XRCC4: variants seen among roughly 807,000 people sequenced by gnomAD.
XRCC4 encodes DNA repair protein XRCC4.
XRCC4 carries 28 observed loss-of-function variants against 39.1 expected under a neutral mutation model. The observed-to-expected ratio is 0.72, with a 90% confidence interval of 0.53 to 0.98. The LOEUF is 0.98. Among genes scored for constraint, XRCC4 ranks in the 50% least tolerant of loss-of-function variants. XRCC4 has a pLI of 0.00. For missense variants in XRCC4, 350 were observed against 376.4 expected (o/e 0.93, Z 0.58); for synonymous variants, 123 against 126.4 (o/e 0.97, Z 0.18).
chr5:83,129,249 T>G (rs1580261528), intron 3 of XRCC4, among the ~76,000 whole-genome samples: 1 of 143,304 alleles, frequency 7.0e-6, no homozygotes, highest in African/African-American at 2.7e-5. Context: ...TCCCCATTGC[T>G]TGTTTTTCTC....
At chr5:83,184,363 C>G (rs192458278) in intron 3 of XRCC4, among the ~76,000 whole-genome samples, 1 of 151,546 alleles carries the variant, frequency 6.6e-6, no homozygotes, top group African/African-American at 2.4e-5. Flanking sequence ...GTAATAATGC[C>G]TTTTAACCAA....
At chr5:83,156,720 G>C (rs970833224) in intron 3 of XRCC4, among the ~76,000 whole-genome samples, 1 of 152,056 alleles carries the variant, frequency 6.6e-6, no homozygotes, top group African/African-American at 2.4e-5. Context: ...AATTTGCAAA[G>C]CCAAGAATAG....
chr5:83,133,023 A>G (rs756644520), intron 3 of XRCC4, among the ~76,000 whole-genome samples: 2 of 151,934 alleles, frequency 1.3e-5, no homozygotes, highest in Non-Finnish European at 2.9e-5. Flanking sequence ...TTGTGGTTTT[A>G]TCTACCTTCG....
At chr5:83,098,056 ATGT>A (rs1745761333) in intron 1 of XRCC4, among the ~76,000 whole-genome samples, 1 of 152,118 alleles carries the variant, frequency 6.6e-6, no homozygotes, top group Admixed American at 6.6e-5. Flanking sequence ...AGTGAAATTT[ATGT>A]TTATCACTGA....
At position 83,303,389 on chromosome 5, in the gene XRCC4, C is replaced by T. The variant is rs183590575; in HGVS notation, c.893+44712C>T. 4.4e-4 allele frequency among the ~76,000 whole-genome samples: 67 copies of T among 152,152 alleles called. No individual in the cohort carries two copies. The East Asian group carries it at 0.013, about 28-fold the overall frequency. On this transcript the variant is annotated intron_variant, in intron 7 of 7. Transcript: ENST00000396027. ...TATAGGGGATAGGATTAAACCAAAA[C>T]ATTTGTACATTTGTAAGAACAGTTA...
chr5:83,247,682 T>A (rs1236665793), intron 6 of XRCC4, among the ~76,000 whole-genome samples: 4 of 152,158 alleles, frequency 2.6e-5, no homozygotes, highest in Non-Finnish European at 4.4e-5. Flanking sequence ...CTTGAGTGAT[T>A]TTCTCTCTGA....
At position 83,290,893 on chromosome 5, in the gene XRCC4, A is replaced by AAATGTAG. The variant is rs1293638670; in HGVS notation, c.893+32217_893+32223dup. Among the ~76,000 whole-genome samples the AAATGTAG allele has an allele frequency of 2.0e-5, 3 of 151,920 alleles. No homozygotes were observed. In the East Asian group the frequency reaches 5.8e-4, roughly 29 times the overall value. The stretch of plus-strand genomic sequence containing the variant: ...TTATAATGTGCCTTTATTGCAGGGG[A>AAATGTAG]AATGTAGTATACCCACAAAATCATT... On this transcript the variant is annotated intron_variant, in intron 7 of 7. Coordinates refer to ENST00000396027, the MANE Select transcript of XRCC4 (RefSeq NM_003401.5).
intron 6 of XRCC4, among the ~76,000 whole-genome samples, chr5:83,236,733 A>G (rs140914405): frequency 6.6e-6 from 1 of 152,060 alleles, no homozygotes; most frequent in Non-Finnish European, 1.5e-5. Context: ...CAAACTAAAA[A>G]GCTTCTGCAC....
At chr5:83,113,308 G>A (rs527676302) in intron 3 of XRCC4, among the ~76,000 whole-genome samples, 3 of 152,270 alleles carry the variant, frequency 2.0e-5, no homozygotes, top group African/African-American at 4.8e-5. Flanking sequence ...TGCAAGAGGC[G>A]GACTCCCACA....
At chr5:83,143,761 C>T (rs72767153) in intron 3 of XRCC4, among the ~76,000 whole-genome samples, 9,538 of 151,714 alleles carry the variant, frequency 0.063, 502 homozygotes, top group African/African-American at 0.14. Flanking sequence ...GTTTTCTCGT[C>T]TCCATTTTTT....
At chr5:83,096,240 A>T (rs1324830146) in intron 1 of XRCC4, among the ~76,000 whole-genome samples, 1 of 152,068 alleles carries the variant, frequency 6.6e-6, no homozygotes, top group Non-Finnish European at 1.5e-5. Flanking sequence ...GAGGGTGGCA[A>T]TCCCATCCCA....
chr5:83,187,540 A>T (rs984750791), intron 3 of XRCC4, among the ~76,000 whole-genome samples: 2 of 152,208 alleles, frequency 1.3e-5, no homozygotes, highest in Non-Finnish European at 2.9e-5. Flanking sequence ...CTATTCAAGC[A>T]TAGAAAGAAG....
chr5:83,301,466 G>C (rs903582985), intron 7 of XRCC4, among the ~76,000 whole-genome samples: 2 of 152,068 alleles, frequency 1.3e-5, no homozygotes, highest in Admixed American at 1.3e-4. Flanking sequence ...TGTAGATTCT[G>C]GATATCAGAC....
chr5:83,297,992 T>C (rs186185002), intron 7 of XRCC4, among the ~76,000 whole-genome samples: 8 of 152,110 alleles, frequency 5.3e-5, no homozygotes, highest in Admixed American at 2.0e-4. Context: ...ACTTTTTCTC[T>C]TGCTGTGTAG....
chr5:83,137,634 T>C (rs1236561628), intron 3 of XRCC4, among the ~76,000 whole-genome samples: 1 of 152,172 alleles, frequency 6.6e-6, no homozygotes, highest in East Asian at 1.9e-4. Context: ...CCTTTCAAGG[T>C]GTGAGATTTT....
Position 83,280,396 on chromosome 5 carries a change from G to C in XRCC4, c.893+21719G>C, listed in dbSNP as rs1580459816. The C allele has an allele frequency of 5.1e-6, 3 of 585,738 alleles. No homozygotes were observed. The East Asian group carries it at 9.0e-5, about 18-fold the overall frequency. The allele number at this position is 585,738 out of a possible 1,614,324, so 36.3% of individuals were successfully genotyped here. On this transcript the variant is annotated intron_variant, in intron 7 of 7. Coordinates refer to ENST00000396027, the MANE Select transcript of XRCC4 (RefSeq NM_003401.5). ...TGAATGTCTTAAAATTCTTCTCTCT[G>C]AATATTCTTTCCTTTTGTTTATTAA... is the stretch of plus-strand genomic sequence containing the variant.
chr5:83,119,367 A>G (rs1438834291), intron 3 of XRCC4, among the ~76,000 whole-genome samples: 1 of 152,184 alleles, frequency 6.6e-6, no homozygotes, highest in African/African-American at 2.4e-5. Context: ...ATTTGTGTAC[A>G]TGTGCCATTT....
chr5:83,105,697 C>T lies in XRCC4; in HGVS notation c.139+639C>T, dbSNP rs185264225. Among the ~76,000 whole-genome samples the T allele has an allele frequency of 1.8e-4, 28 of 152,048 alleles. 1 individual carries two copies. In the East Asian group the frequency reaches 4.1e-3, roughly 22 times the overall value. ...TGTAGCCTTATATTTTCCTTATATACGAAGTTTTAATACTCTTCTAAAGTA... is the reference window on the plus strand; with the variant it reads ...TGTAGCCTTATATTTTCCTTATATATGAAGTTTTAATACTCTTCTAAAGTA... On this transcript the variant is annotated intron_variant, in intron 2 of 7. Transcript: ENST00000396027.
intron 3 of XRCC4, among the ~76,000 whole-genome samples, chr5:83,130,229 G>T (rs1747499208): frequency 6.6e-6 from 1 of 152,150 alleles, no homozygotes; most frequent in Admixed American, 6.6e-5. Context: ...AGATAATCAT[G>T]TGGTTTTTGT....
Sources: gnomAD v4.1 joint callset for allele counts (sites outside exome capture counted in the v4.1 genomes callset) on GRCh38, gnomAD v4.1.1 for gene constraint, MANE v1.5 for transcripts, NCBI Gene and HGNC (gene_info 2026-07-23, HGNC 2026-07-21) for gene names.